The following PCDHA3 variants were observed in gnomAD, a reference collection of about 807,000 sequenced individuals.
The protein encoded by PCDHA3 is protocadherin alpha 3.
A neutral mutation model predicts 62.2 loss-of-function variants in PCDHA3; 41 were observed. The ratio of observed to expected loss-of-function variants is 0.66; its 90% confidence interval spans 0.51 to 0.86. The LOEUF is 0.86. Ranked by LOEUF, PCDHA3 falls within the 40% of genes least tolerant of loss-of-function variation. The pLI is 0.00. For missense variants in PCDHA3, 1,304 were observed against 1,241.2 expected (o/e 1.05, Z -0.76); for synonymous variants, 640 against 555.4 (o/e 1.15, Z -2.14).
intron 1 of PCDHA3, chr5:140,807,068 A>G: frequency 1.7e-6 from 2 of 1,162,074 alleles, no homozygotes; most frequent in African/African-American, 1.5e-5. Flanking sequence ...GGAAGGAACC[A>G]TATACACTCT....
At chr5:140,856,942 G>A (rs781940181) in intron 1 of PCDHA3, 5 of 1,593,170 alleles carry the variant, frequency 3.1e-6, no homozygotes, top group Admixed American at 3.4e-5. Context: ...ACGAAAGGAC[G>A]GGAGAAATAA....
rs781982439 is a variant in PCDHA3, at chr5:140,967,345, C to G, written c.2395-11604C>G. 3 of 1,607,752 alleles carry G rather than the reference C, an allele frequency of 1.9e-6. No homozygotes were observed. The South Asian group carries it at 3.3e-5, about 18-fold the overall frequency. On this transcript the variant is annotated intron_variant, in intron 1 of 3. Coordinates refer to ENST00000522353, the MANE Select transcript of PCDHA3 (RefSeq NM_018906.3). ...ACGAGCTCAGCCCCAGCGAGCACTT[C>G]GAGCTGGACCTTAAGCCCCTGCAGG...
intron 1 of PCDHA3, among the ~76,000 whole-genome samples, chr5:140,886,744 TG>T (rs2061111877): frequency 6.6e-6 from 1 of 150,996 alleles, no homozygotes. Flanking sequence ...GAGAATTGCT[TG>T]AACCCGGGAG....
At chr5:141,005,321 A>C (rs1455149994) in intron 3 of PCDHA3, among the ~76,000 whole-genome samples, 1 of 152,182 alleles carries the variant, frequency 6.6e-6, no homozygotes, top group Admixed American at 6.5e-5. Context: ...AGTGGTAGAG[A>C]ATAATAGGCC....
chr5:140,850,208 G>A lies in PCDHA3; in HGVS notation c.2394+46617G>A, dbSNP rs2150473240. On this transcript the variant is annotated intron_variant, in intron 1 of 3. Transcript: ENST00000522353. Reference sequence around the variant, plus strand: ...CGGCGCTGCTGACACCTCGGATGAGGGGCACTGACGGCGCAGTGAGCGAGA... The same window carrying A: ...CGGCGCTGCTGACACCTCGGATGAGAGGCACTGACGGCGCAGTGAGCGAGA... 6.3e-6 allele frequency: 10 copies of A among 1,593,574 alleles called. 2 individuals carry two copies. The highest frequency in any genetic ancestry group is 6.9e-6 in the Non-Finnish European group (8 of 1,167,640).
intron 1 of PCDHA3, among the ~76,000 whole-genome samples, chr5:140,886,628 C>T (rs1305924545): frequency 6.6e-6 from 1 of 151,764 alleles, no homozygotes; most frequent in African/African-American, 2.4e-5. Context: ...GAGTCCGAGA[C>T]CAGCCTGGCC....
rs560711675 is a variant in PCDHA3 at position 140,803,530 on chromosome 5, C to T, written c.2333C>T (p.Pro778Leu). The change falls in exon 1 of 4, where the codon CCT becomes CTT. Residue 778 changes from proline to leucine, a missense_variant. Transcript: ENST00000522353. ...ATGGCTTTTAGCCCTAGCCTTCCTC[C>T]TTGTCCAATTAGCCGGGATAGAGAG... is the stretch of plus-strand genomic sequence containing the variant. ...DLMAFSPSLPPCPISRDREEK... is the reference protein window; with the variant it reads ...DLMAFSPSLPLCPISRDREEK... 2.0e-5 allele frequency: 32 copies of T among 1,614,252 alleles called. No individual in the cohort carries two copies. Among genetic ancestry groups the T allele is most frequent in the Non-Finnish European group, 2.6e-5 (31 of 1,180,038 alleles).
At chr5:140,937,981 T>TA (rs1554211927) in intron 1 of PCDHA3, among the ~76,000 whole-genome samples, 2 of 152,254 alleles carry the variant, frequency 1.3e-5, no homozygotes, top group Non-Finnish European at 2.9e-5. Flanking sequence ...ATACTGATTT[T>TA]ATGTTAACTT....
At chr5:140,908,971 C>T (rs2074247509) in intron 1 of PCDHA3, among the ~76,000 whole-genome samples, 1 of 152,274 alleles carries the variant, frequency 6.6e-6, no homozygotes, top group Admixed American at 6.5e-5. Flanking sequence ...TGATAGGCCC[C>T]ACTCCACTGG....
At chr5:140,894,989 C>T (rs1446674371) in intron 1 of PCDHA3, among the ~76,000 whole-genome samples, 2 of 152,110 alleles carry the variant, frequency 1.3e-5, no homozygotes, top group Non-Finnish European at 2.9e-5. Context: ...TTGTGACATC[C>T]TTTACCCTTT....
At chr5:140,960,064 T>G (rs1352718360) in intron 1 of PCDHA3, among the ~76,000 whole-genome samples, 1 of 152,208 alleles carries the variant, frequency 6.6e-6, no homozygotes, top group Admixed American at 6.5e-5. Flanking sequence ...TACAGAAGAT[T>G]CAATTGAAGT....
chr5:140,905,611 T>A (rs1396340503), intron 1 of PCDHA3, among the ~76,000 whole-genome samples: 1 of 152,224 alleles, frequency 6.6e-6, no homozygotes, highest in African/African-American at 2.4e-5. Flanking sequence ...ATTGAATCTA[T>A]AGATTGCTTT....
At chr5:140,870,053 T>C (rs782629825) in intron 1 of PCDHA3, 4 of 1,613,810 alleles carry the variant, frequency 2.5e-6, no homozygotes, top group Middle Eastern at 1.6e-4. Context: ...TTTTATAAAA[T>C]TGAAGTACAG....
chr5:140,801,201 T>C lies in PCDHA3; in HGVS notation c.4T>C (p.Leu2=). Residue 2 remains leucine (L), a synonymous_variant, in exon 1 of 4, where the codon TTG becomes CTG. Coordinates refer to ENST00000522353, the MANE Select transcript of PCDHA3 (RefSeq NM_018906.3). M[L]FSWREDPGAQ... is the part of the protein sequence containing the mutation. ...TAATATTTGGAAAATACTTGCAATG[T>C]TGTTCTCCTGGCGAGAAGATCCTGG... is the stretch of plus-strand genomic sequence containing the variant. 2 of 1,598,512 alleles carry C rather than the reference T, an allele frequency of 1.3e-6. No homozygotes were observed. The highest frequency in any genetic ancestry group is 1.7e-6 in the Non-Finnish European group (2 of 1,172,204).
At chr5:140,880,694 A>T (rs1254061280) in intron 1 of PCDHA3, among the ~76,000 whole-genome samples, 1 of 152,346 alleles carries the variant, frequency 6.6e-6, no homozygotes, top group South Asian at 2.1e-4. Context: ...AGTCATGGTT[A>T]AGTGACAATG....
intron 1 of PCDHA3, chr5:140,870,869 T>C (rs371526005): frequency 8.1e-6 from 13 of 1,613,770 alleles, no homozygotes; most frequent in Non-Finnish European, 1.1e-5. Context: ...GCGGGCCACG[T>C]GGTGGCGAAG....
chr5:140,868,742 T>A (rs2050624283), intron 1 of PCDHA3: 2 of 208,154 alleles, frequency 9.6e-6, no homozygotes, highest in Non-Finnish European at 9.7e-6. Flanking sequence ...AGAAATACAA[T>A]GCCATTTCCA....
intron 1 of PCDHA3, chr5:140,823,030 G>T: frequency 6.2e-7 from 1 of 1,614,220 alleles, no homozygotes; most frequent in Non-Finnish European, 8.5e-7. Context: ...GAGCGTGTCG[G>T]TCTATGAGCT....
intron 1 of PCDHA3, among the ~76,000 whole-genome samples, chr5:140,886,110 G>A (rs1332872994): frequency 6.6e-6 from 1 of 152,164 alleles, no homozygotes; most frequent in Non-Finnish European, 1.5e-5. Context: ...CAGTAAAGAA[G>A]TAACATAGTT....
Sources: allele counts gnomAD v4.1 joint callset (sites outside exome capture counted in the v4.1 genomes callset), GRCh38; gene constraint gnomAD v4.1.1; transcripts MANE v1.5; gene names NCBI Gene and HGNC (gene_info 2026-07-23, HGNC 2026-07-21).